LUZP2: variants seen among roughly 807,000 people sequenced by gnomAD.
The protein encoded by LUZP2 is leucine zipper protein 2.
In LUZP2, 52 loss-of-function variants were observed where a neutral mutation model predicts 51.6. The ratio of observed to expected loss-of-function variants is 1.01; its 90% CI spans 0.81 to 1.27. The LOEUF is 1.27. LUZP2 is among the 50% of genes most tolerant of loss of function. LUZP2 has a pLI of 0.00. For synonymous variants in LUZP2, 154 were observed against 137.3 expected, an observed-to-expected ratio of 1.12 and a Z score of -0.85; for missense variants, 436 against 395.4, an observed-to-expected ratio of 1.10 and a Z score of -0.87.
chr11:25,075,760 A>G (rs991576589), intron 10 of LUZP2, among the ~76,000 whole-genome samples: 1 of 152,156 alleles, frequency 6.6e-6, no homozygotes, highest in Non-Finnish European at 1.5e-5. Flanking sequence ...GTACAGATAC[A>G]TGGTTTGTGT....
intron 5 of LUZP2, among the ~76,000 whole-genome samples, chr11:24,825,206 C>A (rs1850487200): frequency 6.6e-6 from 1 of 152,036 alleles, no homozygotes; most frequent in Non-Finnish European, 1.5e-5. Context: ...ATTATGTTTC[C>A]ATGAACTGTC....
intron 1 of LUZP2, among the ~76,000 whole-genome samples, chr11:24,649,840 T>G (rs1038043289): frequency 2.0e-5 from 3 of 151,976 alleles, no homozygotes; most frequent in African/African-American, 7.2e-5. Context: ...TCTGGCTTGC[T>G]GAAAGCTTGG....
chr11:24,925,196 A>T lies in LUZP2; in HGVS notation c.522+10658A>T, dbSNP rs1300067557. 5.9e-5 allele frequency among the ~76,000 whole-genome samples: 9 copies of T among 152,138 alleles called. No individual in the cohort carries two copies. In the South Asian group the frequency reaches 1.7e-3, roughly 28 times the overall value. On this transcript the variant is annotated intron_variant, in intron 7 of 11. Coordinates refer to ENST00000336930, the MANE Select transcript of LUZP2 (RefSeq NM_001009909.4). ...ATTGCTACAAAGAGTCTGCTTTGCC[A>T]GTCTTAAGGTTTCTATTTTAGTGGT...
chr11:24,905,987 T>C lies in LUZP2; in HGVS notation c.397-4T>C. On this transcript the variant is annotated splice_polypyrimidine_tract_variant and splice_region_variant and intron_variant, in intron 5 of 11. Coordinates refer to ENST00000336930, the MANE Select transcript of LUZP2 (RefSeq NM_001009909.4). Reference sequence around the variant, plus strand: ...TTGCAATAAAACTATGTTTTCTTCCTCAGAATAAAAGCTTGAAAAACAAAC... The same window carrying C: ...TTGCAATAAAACTATGTTTTCTTCCCCAGAATAAAAGCTTGAAAAACAAAC... 6.2e-7 allele frequency: 1 copy of C among 1,605,192 alleles called. No homozygotes were observed. Among genetic ancestry groups the C allele is most frequent in the South Asian group, 1.1e-5 (1 of 90,752 alleles).
At chr11:24,778,941 C>G (rs934975802) in intron 5 of LUZP2, among the ~76,000 whole-genome samples, 1 of 152,096 alleles carries the variant, frequency 6.6e-6, no homozygotes, top group Non-Finnish European at 1.5e-5. Flanking sequence ...ATGTAAATTC[C>G]AACTGAGTGG....
chr11:24,596,546 C>A (rs1456786392), intron 1 of LUZP2, among the ~76,000 whole-genome samples: 1 of 151,916 alleles, frequency 6.6e-6, no homozygotes, highest in Admixed American at 6.6e-5. Context: ...TTACTGAGAC[C>A]AAGTGGTTTA....
intron 1 of LUZP2, among the ~76,000 whole-genome samples, chr11:24,637,778 T>C (rs981652409): frequency 6.6e-6 from 1 of 151,878 alleles, no homozygotes; most frequent in African/African-American, 2.4e-5. Flanking sequence ...TTCCTGAAGA[T>C]GTTTATCAAG....
At chr11:24,793,591 G>A (rs1849465199) in intron 5 of LUZP2, among the ~76,000 whole-genome samples, 1 of 152,174 alleles carries the variant, frequency 6.6e-6, no homozygotes, top group African/African-American at 2.4e-5. Flanking sequence ...ACCATGATAA[G>A]GGAGAGAGGA....
intron 5 of LUZP2, among the ~76,000 whole-genome samples, chr11:24,864,810 A>G (rs1325460194): frequency 2.0e-5 from 3 of 152,186 alleles, no homozygotes; most frequent in Non-Finnish European, 4.4e-5. Flanking sequence ...AAGAGTCATG[A>G]AGAGGTGATG....
At chr11:24,501,437 A>T (rs1173760400) in intron 1 of LUZP2, among the ~76,000 whole-genome samples, 1 of 152,226 alleles carries the variant, frequency 6.6e-6, no homozygotes. Flanking sequence ...AGAAGCAAAG[A>T]TCACTGAAAC....
intron 4 of LUZP2, among the ~76,000 whole-genome samples, chr11:24,757,304 G>C (rs149106760): frequency 3.7e-3 from 569 of 152,080 alleles, no homozygotes; most frequent in Middle Eastern, 0.01. Context: ...AATATTAGTA[G>C]CACATATGTT....
chr11:25,068,133 G>A (rs1859049125), intron 10 of LUZP2, among the ~76,000 whole-genome samples: 1 of 152,078 alleles, frequency 6.6e-6, no homozygotes, highest in Non-Finnish European at 1.5e-5. Flanking sequence ...CATGGATACA[G>A]GGAGGGGAAC....
intron 9 of LUZP2, among the ~76,000 whole-genome samples, chr11:25,000,247 C>T (rs1856642693): frequency 6.6e-6 from 1 of 152,148 alleles, no homozygotes; most frequent in Non-Finnish European, 1.5e-5. Flanking sequence ...TTCTCCAAGT[C>T]CCCACCTGAC....
chr11:24,752,244 C>G (rs1859619978), intron 4 of LUZP2, among the ~76,000 whole-genome samples: 1 of 152,000 alleles, frequency 6.6e-6, no homozygotes, highest in Non-Finnish European at 1.5e-5. Flanking sequence ...AGGGAAAGAA[C>G]AGGTCACCCA....
intron 5 of LUZP2, among the ~76,000 whole-genome samples, chr11:24,877,766 TCTC>T (rs1852319002): frequency 6.6e-6 from 1 of 152,134 alleles, no homozygotes. Flanking sequence ...CAACTACTCT[TCTC>T]AGGCTGTGGT....
intron 1 of LUZP2, among the ~76,000 whole-genome samples, chr11:24,579,073 T>A (rs1005985804): frequency 6.6e-6 from 1 of 152,166 alleles, no homozygotes; most frequent in Non-Finnish European, 1.5e-5. Flanking sequence ...GAGTGCTTTA[T>A]TAATGCTATA....
intron 1 of LUZP2, among the ~76,000 whole-genome samples, chr11:24,595,204 C>A (rs1853401839): frequency 6.8e-6 from 1 of 147,012 alleles, no homozygotes; most frequent in Admixed American, 6.8e-5. Flanking sequence ...AAGTGTAGGT[C>A]ACAGTTTGCA....
chr11:24,533,215 A>G (rs1851067130), intron 1 of LUZP2, among the ~76,000 whole-genome samples: 2 of 151,268 alleles, frequency 1.3e-5, no homozygotes, highest in South Asian at 4.1e-4. Context: ...TGGCTTTGCC[A>G]GGTTGTTAAT....
chr11:25,008,940 A>G (rs1167121544), intron 9 of LUZP2, among the ~76,000 whole-genome samples: 1 of 152,184 alleles, frequency 6.6e-6, no homozygotes, highest in Non-Finnish European at 1.5e-5. Context: ...TCTTCCTGGA[A>G]CTGGCTGCTC....
Sources: allele counts gnomAD v4.1 joint callset (sites outside exome capture counted in the v4.1 genomes callset), GRCh38; gene constraint gnomAD v4.1.1; transcripts MANE v1.5; gene names NCBI Gene and HGNC (gene_info 2026-07-23, HGNC 2026-07-21).